Variants in LIMS1 observed in about 807,000 individuals in gnomAD.
The protein encoded by LIMS1 is LIM and senescent cell antigen-like-containing domain protein 1.
In LIMS1, 18 loss-of-function variants were observed where a neutral mutation model predicts 44.1. The ratio of observed to expected loss-of-function variants is 0.41; its 90% confidence interval spans 0.28 to 0.61. The LOEUF (loss-of-function observed/expected upper bound fraction) is 0.61, where lower values mean the gene tolerates loss of function less well. LIMS1 is among the 20% of genes least tolerant of loss of function. LIMS1 has a pLI of 0.32. For synonymous variants in LIMS1, 93 were observed against 149.1 expected (o/e 0.62, Z 2.74); for missense variants, 201 against 422.0 (o/e 0.48, Z 4.59).
rs748438156 is a variant in LIMS1, at chr2:108,549,013, C to G, written c.32+14419C>G. ...GACGTTACTTTCTAAGAATATAGCA[C>G]TTTTCTACAAAAAGCTACCTATGCT... On this transcript the variant is annotated intron_variant, in intron 1 of 9. Transcript: ENST00000544547. Among the ~76,000 whole-genome samples the G allele has an allele frequency of 5.3e-5, 8 of 152,092 alleles. No individual in the cohort carries two copies. In the East Asian group the frequency reaches 1.3e-3, roughly 26 times the overall value.
At position 108,635,280 on chromosome 2, in the gene LIMS1, T is replaced by A. The variant is rs561569468; in HGVS notation, c.33-24325T>A. Among the ~76,000 whole-genome samples the A allele has an allele frequency of 1.1e-3, 161 of 151,680 alleles. 2 individuals carry two copies. The highest frequency in any genetic ancestry group is 3.8e-3 in the African/African-American group (158 of 41,324). On this transcript the variant is annotated intron_variant, in intron 1 of 9. Transcript: ENST00000544547. The stretch of plus-strand genomic sequence containing the variant: ...ACCCCATCTCTAAAAATACAAAAAT[T>A]AGCTGGGTGTGGTGGCAGGTGCCTG...
chr2:108,577,645 T>C (rs1386997654), intron 1 of LIMS1, among the ~76,000 whole-genome samples: 1 of 152,246 alleles, frequency 6.6e-6, no homozygotes, highest in Non-Finnish European at 1.5e-5. Flanking sequence ...TAAATGTTTT[T>C]ACATTCTTAA....
intron 1 of LIMS1, among the ~76,000 whole-genome samples, chr2:108,646,566 A>G (rs1690078871): frequency 6.6e-6 from 1 of 152,260 alleles, no homozygotes; most frequent in Non-Finnish European, 1.5e-5. Context: ...TCACAATTAA[A>G]AGAACTGGAG....
chr2:108,651,181 C>T (rs1690459316), intron 1 of LIMS1, among the ~76,000 whole-genome samples: 1 of 152,068 alleles, frequency 6.6e-6, no homozygotes, highest in Non-Finnish European at 1.5e-5. Flanking sequence ...TGTCTTTAAC[C>T]CCCACATTAG....
At chr2:108,572,493 C>A (rs1459585371) in intron 1 of LIMS1, among the ~76,000 whole-genome samples, 3 of 151,316 alleles carry the variant, frequency 2.0e-5, no homozygotes, top group Non-Finnish European at 4.4e-5. Context: ...TGTGATTCTC[C>A]TGCCTCAGCC....
intron 1 of LIMS1, among the ~76,000 whole-genome samples, chr2:108,583,961 T>C (rs1297329515): frequency 2.6e-5 from 4 of 152,154 alleles, no homozygotes; most frequent in Admixed American, 1.3e-4. Flanking sequence ...CCCAAAGTGC[T>C]GAGATTACAG....
At chr2:108,550,154 A>G (rs1454958728) in intron 1 of LIMS1, among the ~76,000 whole-genome samples, 1 of 152,184 alleles carries the variant, frequency 6.6e-6, no homozygotes, top group Non-Finnish European at 1.5e-5. Flanking sequence ...AGAACTTTAT[A>G]ATGTTTAAAC....
intron 1 of LIMS1, among the ~76,000 whole-genome samples, chr2:108,628,712 C>T (rs1688724415): frequency 6.6e-6 from 1 of 152,204 alleles, no homozygotes; most frequent in South Asian, 2.1e-4. Context: ...GTGATCCACC[C>T]TCCTTGGCTC....
At chr2:108,621,279 C>T (rs977922693) in intron 1 of LIMS1, 27 of 1,535,144 alleles carry the variant, frequency 1.8e-5, no homozygotes, top group Admixed American at 4.0e-5. Context: ...CGGCAAGGGA[C>T]GCTGCTTTCC....
intron 1 of LIMS1, among the ~76,000 whole-genome samples, chr2:108,596,099 A>G (rs902878496): frequency 1.3e-5 from 2 of 152,264 alleles, no homozygotes; most frequent in African/African-American, 4.8e-5. Context: ...TCTGCCGCAG[A>G]CATAGAAAGA....
intron 1 of LIMS1, among the ~76,000 whole-genome samples, chr2:108,556,088 C>A (rs1425883736): frequency 6.6e-6 from 1 of 151,956 alleles, no homozygotes; most frequent in Non-Finnish European, 1.5e-5. Context: ...TGCGATTAAA[C>A]AATAACTCCC....
intron 1 of LIMS1, among the ~76,000 whole-genome samples, chr2:108,551,487 GCGCGCACACACACACA>G (rs1268911645): frequency 2.0e-5 from 2 of 99,106 alleles, no homozygotes; most frequent in East Asian, 6.0e-4. Context: ...ATATGCGCGC[GCGCGCACACACACACA>G]CACACACACA....
At chr2:108,677,562 C>T (rs555038805) in intron 7 of LIMS1, 1 of 194,100 alleles carries the variant, frequency 5.2e-6, no homozygotes, top group East Asian at 1.6e-4. Context: ...CATCAACCTG[C>T]CCTAGATTCA....
intron 8 of LIMS1, 77 bp downstream of exon 8, chr2:108,678,104 T>C (rs1423252648): frequency 8.7e-6 from 14 of 1,604,450 alleles, no homozygotes; most frequent in Non-Finnish European, 1.2e-5. Flanking sequence ...TTCAGGTTGG[T>C]GATTGTATGG....
chr2:108,620,503 C>T (rs145458647), intron 1 of LIMS1, among the ~76,000 whole-genome samples: 2 of 152,176 alleles, frequency 1.3e-5, no homozygotes, highest in Non-Finnish European at 2.9e-5. Flanking sequence ...AGGACTTTCC[C>T]CAAACCTGTC....
intron 1 of LIMS1, among the ~76,000 whole-genome samples, chr2:108,622,581 A>C (rs1469435366): frequency 2.0e-5 from 3 of 152,208 alleles, no homozygotes; most frequent in Non-Finnish European, 2.9e-5. Context: ...TCTTAGCTAC[A>C]TTTAATGTAT....
At chr2:108,639,157 A>G (rs796948947) in intron 1 of LIMS1, among the ~76,000 whole-genome samples, 10 of 152,340 alleles carry the variant, frequency 6.6e-5, no homozygotes, top group African/African-American at 2.4e-4. Flanking sequence ...CACTCACTGC[A>G]TGGGACACAC....
intron 1 of LIMS1, among the ~76,000 whole-genome samples, chr2:108,652,732 T>G (rs1437978726): frequency 6.6e-6 from 1 of 152,170 alleles, no homozygotes; most frequent in Non-Finnish European, 1.5e-5. Flanking sequence ...ATGTGAGCAC[T>G]GGGGAGACTG....
chr2:108,641,719 G>C (rs780161837), intron 1 of LIMS1, among the ~76,000 whole-genome samples: 10 of 152,126 alleles, frequency 6.6e-5, no homozygotes, highest in Non-Finnish European at 1.0e-4. Context: ...CTGTGGTAAT[G>C]AATAATTTCT....
Sources: allele counts gnomAD v4.1 joint callset (sites outside exome capture counted in the v4.1 genomes callset), GRCh38; gene constraint gnomAD v4.1.1; transcripts MANE v1.5; gene names NCBI Gene and HGNC (gene_info 2026-07-23, HGNC 2026-07-21).